ZNF106: variants seen among roughly 807,000 people sequenced by gnomAD.
ZNF106 encodes the protein SH3-domain binding protein 3.
ZNF106 carries 67 observed loss-of-function variants against 195.1 expected under a neutral mutation model. The ratio of observed to expected loss-of-function variants is 0.34; its 90% confidence interval spans 0.28 to 0.42. The LOEUF is 0.42. ZNF106 is among the 10% of genes least tolerant of loss of function. The probability of loss-of-function intolerance (pLI) is 1.00; values close to 1 mark genes in which losing one functional copy is unlikely to be tolerated. For synonymous variants in ZNF106, 784 were observed against 818.6 expected (o/e 0.96, Z 0.72); for missense variants, 2,118 against 2,304.5 (o/e 0.92, Z 1.66).
rs758589941 is a variant in ZNF106, at chr15:42,417,264, A to G, written c.*40T>C. On this transcript the variant is annotated 3_prime_UTR_variant, in exon 22 of 22. Transcript: ENST00000564754. ...CTGTGTGGGGGGCCAATGTGAAAAT[A>G]GTTCAACTAATGACTTCCCAACGTG... The G allele has an allele frequency of 6.2e-6, 10 of 1,611,158 alleles. No individual in the cohort carries two copies. Among genetic ancestry groups the G allele is most frequent in the Non-Finnish European group, 7.6e-6 (9 of 1,177,420 alleles).
intron 2 of ZNF106, among the ~76,000 whole-genome samples, chr15:42,466,450 A>G (rs1462638176): frequency 1.3e-5 from 2 of 151,240 alleles, no homozygotes; most frequent in African/African-American, 2.4e-5. Flanking sequence ...AGTTCATTTA[A>G]AAAAAAAACC....
At chr15:42,465,118 C>T (rs934626963) in intron 3 of ZNF106, among the ~76,000 whole-genome samples, 1 of 152,224 alleles carries the variant, frequency 6.6e-6, no homozygotes, top group African/African-American at 2.4e-5. Context: ...CCAGGTTGGT[C>T]TTGAACTCCT....
intron 9 of ZNF106, among the ~76,000 whole-genome samples, chr15:42,443,310 G>A (rs1021283044): frequency 1.3e-5 from 2 of 151,900 alleles, no homozygotes; most frequent in Non-Finnish European, 2.9e-5. Context: ...ACATTTTTGG[G>A]ATGCACAGTT....
At chr15:42,475,673 C>G (rs1422688892) in intron 1 of ZNF106, among the ~76,000 whole-genome samples, 1 of 152,148 alleles carries the variant, frequency 6.6e-6, no homozygotes, top group Non-Finnish European at 1.5e-5. Context: ...AATGTAACAT[C>G]TACTTCAACT....
In ZNF106 at chr15:42,419,262, G is replaced by A. The variant is rs541573765; in HGVS notation, c.5518-1311C>T. 4.1e-4 allele frequency among the ~76,000 whole-genome samples: 62 copies of A among 152,214 alleles called. 1 individual carries two copies. In the Middle Eastern group the frequency reaches 0.017, roughly 42 times the overall value. The stretch of plus-strand genomic sequence containing the variant: ...TGTGCCTGTAATCTCAGCTATCCAG[G>A]AGGCTGAGGCAGGAGAATCGCTGGA... On this transcript the variant is annotated intron_variant, in intron 20 of 21. Coordinates refer to ENST00000564754, the MANE Select transcript of ZNF106 (RefSeq NM_001366845.3).
rs569041758 is a variant in ZNF106 at position 42,451,180 on chromosome 15, C to T, written c.1092G>A (p.Ala364=). 14 of 1,614,086 alleles carry T rather than the reference C, an allele frequency of 8.7e-6. No homozygotes were observed. The highest frequency in any genetic ancestry group is 1.6e-4 in the Middle Eastern group (1 of 6,062). Residue 364 remains alanine (A), a synonymous_variant, in exon 5 of 22, where the codon GCG becomes GCA. Transcript: ENST00000564754. ...TSKVSGKNGS[A]AREKPRRWTP... is the part of the protein sequence containing the mutation. ...TCCAGCGACGAGGCTTTTCCCTTGC[C>T]GCACTGCCATTCTTTCCACTAACTT...
In ZNF106 at chr15:42,427,136, G is replaced by C. The variant is rs2054888827; in HGVS notation, c.4998+882C>G. On this transcript the variant is annotated intron_variant, in intron 15 of 21. Coordinates refer to ENST00000564754, the MANE Select transcript of ZNF106 (RefSeq NM_001366845.3). ...ATCAAACCTATCGATTCTACCTCTT[G>C]GATTATATATTTCCTCCATTCCCTT... Among the ~76,000 whole-genome samples, 3 of 152,044 alleles carry C rather than the reference G, an allele frequency of 2.0e-5. No individual in the cohort carries two copies. In the South Asian group the frequency reaches 6.2e-4, roughly 32 times the overall value.
intron 1 of ZNF106, among the ~76,000 whole-genome samples, chr15:42,487,326 A>C (rs192168207): frequency 8.5e-4 from 129 of 151,634 alleles, no homozygotes; most frequent in African/African-American, 3.1e-3. Context: ...CACACACACA[A>C]AAAATTTATT....
intron 1 of ZNF106, among the ~76,000 whole-genome samples, chr15:42,482,521 A>AT (rs2056920903): frequency 9.8e-6 from 1 of 102,538 alleles, no homozygotes; most frequent in African/African-American, 4.6e-5. Flanking sequence ...TGAAATCTCC[A>AT]GTTTTTTTTT....
chr15:42,455,046 T>C (rs1418547268), intron 4 of ZNF106, among the ~76,000 whole-genome samples: 1 of 152,224 alleles, frequency 6.6e-6, no homozygotes, highest in East Asian at 1.9e-4. Context: ...ATAATGGCAC[T>C]AGTATGTAAG....
At chr15:42,441,655 C>G (rs1567009752) in intron 10 of ZNF106, 2 of 154,286 alleles carry the variant, frequency 1.3e-5, no homozygotes. Context: ...ATCATGGCCA[C>G]CTGCCTCTCA....
rs776847247 is a variant in ZNF106 at position 42,448,712 on chromosome 15, GAAGA to G, written c.2502-11_2502-8del. ...TACCATTTCTATGCCAAACCTTAAGGAAGAAAGAAAAAATGAAAACATAAATTGG... is the reference window on the plus strand; with the variant it reads ...TACCATTTCTATGCCAAACCTTAAGGAAGAAAAAATGAAAACATAAATTGG... On this transcript the variant is annotated splice_polypyrimidine_tract_variant and splice_region_variant and intron_variant, in intron 5 of 21. Transcript: ENST00000564754. 1 of 1,571,240 alleles carries G rather than the reference GAAGA, an allele frequency of 6.4e-7. No individual in the cohort carries two copies.
chr15:42,461,201 G>T (rs2056384718), intron 3 of ZNF106, among the ~76,000 whole-genome samples: 1 of 152,160 alleles, frequency 6.6e-6, no homozygotes, highest in Non-Finnish European at 1.5e-5. Flanking sequence ...TAGTGTTTGG[G>T]AAACCATGTT....
chr15:42,451,231 AGTG>A lies in ZNF106; in HGVS notation c.1038_1040del (p.Thr347del), dbSNP rs752381427. 6.2e-7 allele frequency: 1 copy of A among 1,614,062 alleles called. No individual in the cohort carries two copies. ...TGGAAGTAGCAGTGTCTGCTTGTTT[AGTG>A]GTTTGGCTTTCCAGCTGCTCAAAAT... On this transcript the variant is annotated inframe_deletion, in exon 5 of 22. Transcript: ENST00000564754.
At chr15:42,434,420 A>G (rs1365067376) in intron 14 of ZNF106, among the ~76,000 whole-genome samples, 1 of 152,174 alleles carries the variant, frequency 6.6e-6, no homozygotes, top group African/African-American at 2.4e-5. Context: ...GATGCACACT[A>G]AAGTTGTGAG....
chr15:42,487,393 TG>T (rs1474606150), intron 1 of ZNF106, among the ~76,000 whole-genome samples: 2 of 137,218 alleles, frequency 1.5e-5, no homozygotes, highest in African/African-American at 5.6e-5. Context: ...AAGGCTGAGG[TG>T]GGAAGAGGAT....
intron 1 of ZNF106, among the ~76,000 whole-genome samples, chr15:42,473,514 G>C (rs752712068): frequency 2.6e-5 from 4 of 152,076 alleles, no homozygotes; most frequent in Non-Finnish European, 5.9e-5. Context: ...TTCTCTGCCT[G>C]GAATATTCTT....
At position 42,417,177 on chromosome 15, in the gene ZNF106, G is replaced by C. The variant is rs940320218; in HGVS notation, c.*127C>G. ...AGAGCTGCCCAGACTTATGCTAGGGGTATGCCTGGCTAGTAACCACTTTCT... is the reference window on the plus strand; with the variant it reads ...AGAGCTGCCCAGACTTATGCTAGGGCTATGCCTGGCTAGTAACCACTTTCT... On this transcript the variant is annotated 3_prime_UTR_variant, in exon 22 of 22. Transcript: ENST00000564754. 4.4e-6 allele frequency: 4 copies of C among 916,296 alleles called. No homozygotes were observed. The highest frequency in any genetic ancestry group is 6.9e-6 in the Non-Finnish European group (4 of 582,626). 56.8% of individuals were successfully genotyped at this position (916,296 alleles called of 1,614,324 possible).
At chr15:42,435,285 T>G in intron 14 of ZNF106, 99 bp downstream of exon 14, 1 of 1,505,932 alleles carries the variant, frequency 6.6e-7, no homozygotes, top group Non-Finnish European at 9.1e-7. Flanking sequence ...AAGGAGATGG[T>G]GGGTAGAATG....
Sources: allele counts gnomAD v4.1 joint callset (sites outside exome capture counted in the v4.1 genomes callset), GRCh38; gene constraint gnomAD v4.1.1; transcripts MANE v1.5; gene names NCBI Gene and HGNC (gene_info 2026-07-23, HGNC 2026-07-21).